Variants in MYO5B observed in about 807,000 individuals in gnomAD.
The protein encoded by MYO5B is myosin VB, also known as unconventional myosin-Vb.
A neutral mutation model predicts 229.3 loss-of-function variants in MYO5B; 143 were observed. The observed-to-expected ratio is 0.62, with a 90% confidence interval of 0.54 to 0.72. The LOEUF is 0.72. Among genes scored for constraint, MYO5B ranks in the 30% least tolerant of loss-of-function variants. The probability of loss-of-function intolerance (pLI) is 0.00; values close to 1 mark genes in which losing one functional copy is unlikely to be tolerated. For missense variants in MYO5B, 2,321 were observed against 2,331.0 expected, an observed-to-expected ratio of 1.00 and a Z score of 0.09; for synonymous variants, 918 against 885.2, an observed-to-expected ratio of 1.04 and a Z score of -0.66.
intron 1 of MYO5B, among the ~76,000 whole-genome samples, chr18:50,055,778 A>G (rs1243430047): frequency 6.6e-6 from 1 of 151,330 alleles, no homozygotes; most frequent in Admixed American, 6.5e-5. Context: ...AGTATAGCAA[A>G]TGTTCAAAGC....
intron 1 of MYO5B, among the ~76,000 whole-genome samples, chr18:50,125,132 G>T (rs373923752): frequency 6.6e-6 from 1 of 152,122 alleles, no homozygotes; most frequent in African/African-American, 2.4e-5. Context: ...TGAACAGAGC[G>T]CAAACCTACC....
At chr18:49,927,382 C>A (rs966678267) in intron 17 of MYO5B, among the ~76,000 whole-genome samples, 1 of 149,978 alleles carries the variant, frequency 6.7e-6, no homozygotes, top group Non-Finnish European at 1.5e-5. Context: ...ATCCTAAAAT[C>A]ATATGGAACC....
At chr18:50,089,508 T>C (rs1303446383) in intron 1 of MYO5B, among the ~76,000 whole-genome samples, 6 of 148,532 alleles carry the variant, frequency 4.0e-5, no homozygotes, top group Admixed American at 4.0e-4. Flanking sequence ...GAGGCCAAAG[T>C]GAGAGATTTG....
chr18:50,095,647 A>G (rs1432849885), intron 1 of MYO5B, among the ~76,000 whole-genome samples: 1 of 152,188 alleles, frequency 6.6e-6, no homozygotes, highest in Non-Finnish European at 1.5e-5. Flanking sequence ...GTCTTTCAGG[A>G]AAGAGTCAGA....
rs375549243 is a variant in MYO5B, at chr18:49,902,790, C to T, written c.2615G>A (p.Arg872Gln). ...HKATTIQKHV[R>Q]GWMARRHFQR... ...GAAGTGCCTGCGTGCCATCCAGCCC[C>T]GCACGTGCTTCTGGATGGTGGTGGC... Residue 872 changes from arginine to glutamine, a missense_variant, in exon 21 of 40, where the codon CGG becomes CAG. This residue lies in a region of MYO5B where 2,113 missense variants were observed against 2,044.7 expected (regional missense o/e 1.03). Transcript: ENST00000285039. The T allele has an allele frequency of 5.9e-5, 95 of 1,602,856 alleles. No homozygotes were observed. The highest frequency in any genetic ancestry group is 7.5e-5 in the Non-Finnish European group (89 of 1,179,950).
chr18:50,087,174 G>C (rs1321859472), intron 1 of MYO5B, among the ~76,000 whole-genome samples: 1 of 152,188 alleles, frequency 6.6e-6, no homozygotes, highest in East Asian at 1.9e-4. Flanking sequence ...GCCACAGCCA[G>C]GTAGGACTTC....
intron 5 of MYO5B, among the ~76,000 whole-genome samples, chr18:49,994,211 C>T (rs2025962936): frequency 6.6e-6 from 1 of 152,172 alleles, no homozygotes; most frequent in Admixed American, 6.5e-5. Context: ...TCCCCTTAGC[C>T]CATATGCGGT....
intron 1 of MYO5B, among the ~76,000 whole-genome samples, chr18:50,073,754 T>C (rs1186673850): frequency 1.3e-5 from 2 of 152,178 alleles, no homozygotes; most frequent in Non-Finnish European, 2.9e-5. Context: ...CTCACCTGTT[T>C]ATTTCCTAGT....
intron 1 of MYO5B, among the ~76,000 whole-genome samples, chr18:50,145,791 G>A (rs2032492805): frequency 6.6e-6 from 1 of 152,158 alleles, no homozygotes; most frequent in African/African-American, 2.4e-5. Context: ...AATGTCATTT[G>A]AGGGATACCA....
chr18:50,118,255 C>T (rs2031998226), intron 1 of MYO5B, among the ~76,000 whole-genome samples: 1 of 152,182 alleles, frequency 6.6e-6, no homozygotes, highest in Non-Finnish European at 1.5e-5. Flanking sequence ...GGTTGGTCAC[C>T]ATAGGACCAG....
In MYO5B at chr18:49,929,711, C is replaced by A. The variant is rs2025169128; in HGVS notation, c.2004-113G>T. On this transcript the variant is annotated intron_variant, in intron 16 of 39. Transcript: ENST00000285039. Reference sequence around the variant, plus strand: ...GCAGCATGTGAAGTACCTGCTGCCACTGAGTTACAGCCACTGAGTTACCCT... The same window carrying A: ...GCAGCATGTGAAGTACCTGCTGCCAATGAGTTACAGCCACTGAGTTACCCT... The A allele has an allele frequency of 3.2e-6, 3 of 932,172 alleles. No homozygotes were observed. The African/African-American group carries it at 4.9e-5, about 15-fold the overall frequency. The allele number at this position is 932,172 out of a possible 1,614,324, so 57.7% of individuals were successfully genotyped here.
intron 2 of MYO5B, among the ~76,000 whole-genome samples, chr18:50,050,976 T>C (rs1200273229): frequency 1.3e-5 from 2 of 152,242 alleles, no homozygotes; most frequent in African/African-American, 4.8e-5. Context: ...TTGCAACCTC[T>C]GCAACATGAC....
Position 50,194,925 on chromosome 18 carries a change from G to GC in MYO5B, c.-133dup. On this transcript the variant is annotated 5_prime_UTR_variant, in exon 1 of 40. Transcript: ENST00000285039. ...CGATCTTCTCGCTCTTCTCCGACCT[G>GC]CCCCGCCGGCTTCCCGCAGGCGCCG... The GC allele has an allele frequency of 1.7e-6, 2 of 1,178,156 alleles. No individual in the cohort carries two copies. Among genetic ancestry groups the GC allele is most frequent in the Non-Finnish European group, 1.1e-6 (1 of 946,818 alleles). 73.0% of individuals were successfully genotyped at this position (1,178,156 alleles called of 1,614,324 possible).
intron 4 of MYO5B, among the ~76,000 whole-genome samples, chr18:50,011,595 G>A (rs2026161323): frequency 6.6e-6 from 1 of 152,054 alleles, no homozygotes; most frequent in South Asian, 2.1e-4. Context: ...GCAATGAGCA[G>A]GGAATCTGGG....
chr18:50,129,854 G>A (rs1438210927), intron 1 of MYO5B, among the ~76,000 whole-genome samples: 1 of 152,122 alleles, frequency 6.6e-6, no homozygotes, highest in Non-Finnish European at 1.5e-5. Context: ...CAGAAGAGGG[G>A]CTTTGTTTTG....
Position 49,835,388 on chromosome 18 carries a change from C to T in MYO5B, c.5350G>A (p.Glu1784Lys). The change falls in exon 39 of 40, where the codon GAA becomes AAA. Residue 1784 changes from glutamate to lysine, a missense_variant. Glu to Lys is a moderately conservative substitution (Grantham distance 56, BLOSUM62 1). Around this residue, in one of 2 missense-constraint regions of MYO5B, gnomAD observed 208 missense variants for 286.3 expected, o/e 0.73. Transcript: ENST00000285039. ...KILNLYTPLN[E>K]FEERVTVAFI... ...GCCACTGTTACCCGTTCTTCAAATT[C>T]ATTCAGGGGAGTATAAAGGTTTAAA... 6.2e-7 allele frequency: 1 copy of T among 1,612,558 alleles called. No homozygotes were observed. Among genetic ancestry groups the T allele is most frequent in the Non-Finnish European group, 8.5e-7 (1 of 1,179,694 alleles).
Position 49,882,896 on chromosome 18 carries a change from AG to A in MYO5B, c.3046-2442del, listed in dbSNP as rs546137935. 2.7e-4 allele frequency among the ~76,000 whole-genome samples: 41 copies of A among 152,250 alleles called. No individual in the cohort carries two copies. The East Asian group carries it at 6.4e-3, about 24-fold the overall frequency. On this transcript the variant is annotated intron_variant, in intron 22 of 39. Transcript: ENST00000285039. Reference sequence around the variant, plus strand: ...CTTCCCAATTCCATTCTATGAGGCCAGTGTTACTCTGATACCAAAACCAAAG... The same window carrying A: ...CTTCCCAATTCCATTCTATGAGGCCATGTTACTCTGATACCAAAACCAAAG...
At chr18:49,946,929 A>AT (rs1376536745) in intron 14 of MYO5B, among the ~76,000 whole-genome samples, 1 of 152,102 alleles carries the variant, frequency 6.6e-6, no homozygotes, top group Non-Finnish European at 1.5e-5. Context: ...AAGAGATACC[A>AT]TGTTCAACGC....
intron 4 of MYO5B, 74 bp from the exon 5 acceptor site, chr18:50,001,485 A>G: frequency 6.4e-7 from 1 of 1,558,236 alleles, no homozygotes; most frequent in Non-Finnish European, 8.8e-7. Context: ...TCTGTCTGAC[A>G]AGGGCCTGAG....
Sources: allele counts gnomAD v4.1 joint callset (sites outside exome capture counted in the v4.1 genomes callset), GRCh38; gene constraint gnomAD v4.1.1; regional missense constraint gnomAD v4.1.1; transcripts MANE v1.5; gene names NCBI Gene and HGNC (gene_info 2026-07-23, HGNC 2026-07-21).